RBFOX1: variants seen among roughly 807,000 people sequenced by gnomAD.
RBFOX1 encodes RNA binding protein fox-1 homolog 1.
A neutral mutation model predicts 57.7 loss-of-function variants in RBFOX1; 8 were observed. The observed-to-expected ratio is 0.14, with a 90% CI of 0.08 to 0.25. The LOEUF is 0.25. Ranked by LOEUF, RBFOX1 falls within the 10% of genes least tolerant of loss-of-function variation. The pLI is 1.00. For missense variants in RBFOX1, 611 were observed against 548.5 expected, an observed-to-expected ratio of 1.11 and a Z score of -1.14; for synonymous variants, 326 against 222.4, an observed-to-expected ratio of 1.47 and a Z score of -4.15.
At chr16:6,022,956 G>T (rs2095112396) in intron 1 of RBFOX1, among the ~76,000 whole-genome samples, 1 of 152,112 alleles carries the variant, frequency 6.6e-6, no homozygotes, top group Admixed American at 6.5e-5. Context: ...AGATGTCAAG[G>T]AGTTATTTAC....
chr16:7,446,789 G>A (rs1043243587), intron 4 of RBFOX1, among the ~76,000 whole-genome samples: 1 of 141,876 alleles, frequency 7.0e-6, no homozygotes, highest in African/African-American at 2.6e-5. Flanking sequence ...AGCCAAGGTA[G>A]GTCTAGGTAT....
At chr16:6,841,152 T>A (rs1008583281) in intron 3 of RBFOX1, among the ~76,000 whole-genome samples, 8 of 152,158 alleles carry the variant, frequency 5.3e-5, no homozygotes, top group Non-Finnish European at 1.5e-5. Context: ...GATATTAGCC[T>A]ATGGCATTTT....
chr16:6,592,150 C>A (rs1057265804), intron 2 of RBFOX1, among the ~76,000 whole-genome samples: 1 of 152,204 alleles, frequency 6.6e-6, no homozygotes, highest in African/African-American at 2.4e-5. Context: ...ATCTCTCCAA[C>A]TTCTTTTCTT....
chr16:5,821,226 C>G (rs1173155347), intron 3 of RBFOX1, among the ~76,000 whole-genome samples: 1 of 151,802 alleles, frequency 6.6e-6, no homozygotes, highest in Non-Finnish European at 1.5e-5. Context: ...CCTAAGACTA[C>G]TACTAGGCTG....
At chr16:6,338,135 A>C (rs965250708) in intron 2 of RBFOX1, among the ~76,000 whole-genome samples, 14 of 152,294 alleles carry the variant, frequency 9.2e-5, no homozygotes, top group African/African-American at 3.4e-4. Flanking sequence ...ACTGTTTTTT[A>C]GTGGTGAGAA....
intron 2 of RBFOX1, among the ~76,000 whole-genome samples, chr16:6,457,908 G>A (rs1274041927): frequency 6.6e-6 from 1 of 152,110 alleles, no homozygotes; most frequent in African/African-American, 2.4e-5. Flanking sequence ...GGGGCAAAGT[G>A]AGAAGAAGCC....
At chr16:5,724,020 G>A (rs2052036645) in intron 3 of RBFOX1, among the ~76,000 whole-genome samples, 1 of 114,690 alleles carries the variant, frequency 8.7e-6, no homozygotes, top group Non-Finnish European at 1.6e-5. Context: ...CCCTATGTTA[G>A]CAAACCATTT....
chr16:6,911,585 G>C (rs1288908953), intron 3 of RBFOX1, among the ~76,000 whole-genome samples: 1 of 152,052 alleles, frequency 6.6e-6, no homozygotes, highest in Admixed American at 6.6e-5. Context: ...ACTTAATTTT[G>C]TTACCTCTGT....
chr16:7,143,060 G>A lies in RBFOX1; in HGVS notation c.27+90962G>A, dbSNP rs572696154. On this transcript the variant is annotated intron_variant, in intron 4 of 15. Coordinates refer to ENST00000550418, the MANE Select transcript of RBFOX1 (RefSeq NM_018723.4). The stretch of plus-strand genomic sequence containing the variant: ...ATTAATACTATTGTTTATGTGTGCA[G>A]TGTCCTTCATATTTTTTCCTTTCAT... Among the ~76,000 whole-genome samples the A allele has an allele frequency of 3.9e-5, 6 of 152,180 alleles. No homozygotes were observed. In the East Asian group the frequency reaches 5.8e-4, roughly 15 times the overall value.
chr16:7,706,387 G>T (rs183729834), intron 14 of RBFOX1, among the ~76,000 whole-genome samples: 11 of 152,288 alleles, frequency 7.2e-5, no homozygotes, highest in African/African-American at 1.9e-4. Flanking sequence ...CCTTGGAAGA[G>T]AATACTGCCA....
chr16:7,447,618 A>G (rs1372696319), intron 4 of RBFOX1, among the ~76,000 whole-genome samples: 1 of 152,148 alleles, frequency 6.6e-6, no homozygotes, highest in Non-Finnish European at 1.5e-5. Context: ...CTGATTTTAT[A>G]AAGTGGTCAA....
chr16:7,036,251 C>T (rs538435608), intron 3 of RBFOX1, among the ~76,000 whole-genome samples: 54 of 148,228 alleles, frequency 3.6e-4, no homozygotes, highest in South Asian at 6.4e-4. Context: ...TGATTTATTT[C>T]TTTTGACATT....
chr16:5,291,882 A>G (rs1367800015), intron 1 of RBFOX1, among the ~76,000 whole-genome samples: 1 of 152,090 alleles, frequency 6.6e-6, no homozygotes, highest in Non-Finnish European at 1.5e-5. Flanking sequence ...AATGAGAAGA[A>G]AAGCATACTC....
At position 7,569,311 on chromosome 16, in the gene RBFOX1, G is replaced by A. The variant is rs143334848; in HGVS notation, c.271-10466G>A. ...TTACAAGGATTGTAGCTGGCAGGAT[G>A]ATATTTCTATAGGCTCATAATTTGA... is the stretch of plus-strand genomic sequence containing the variant. On this transcript the variant is annotated intron_variant, in intron 5 of 15. Transcript: ENST00000550418. Among the ~76,000 whole-genome samples, 76 of 152,316 alleles carry A rather than the reference G, an allele frequency of 5.0e-4. No homozygotes were observed. In the East Asian group the frequency reaches 0.013, roughly 26 times the overall value.
chr16:7,506,116 C>T lies in RBFOX1; in HGVS notation c.28-12031C>T, dbSNP rs140428080. Among the ~76,000 whole-genome samples, 59 of 125,486 alleles carry T rather than the reference C, an allele frequency of 4.7e-4. 2 individuals are homozygous for T. The highest frequency in any genetic ancestry group is 1.9e-3 in the East Asian group (7 of 3,680). The allele number at this position is 125,486 out of a possible 152,430, so 82.3% of individuals were successfully genotyped here. A position where few individuals can be genotyped will look rare whatever the true frequency, so the allele number is the denominator to read the frequency against. On this transcript the variant is annotated intron_variant, in intron 4 of 15. Coordinates refer to ENST00000550418, the MANE Select transcript of RBFOX1 (RefSeq NM_018723.4). Reference sequence around the variant, plus strand: ...AGGAGAACTGCTTGAACCCAGGAGGCGGAGTTTGCAGTGAGCAGAGATCGC... The same window carrying T: ...AGGAGAACTGCTTGAACCCAGGAGGTGGAGTTTGCAGTGAGCAGAGATCGC...
At chr16:7,710,498 T>TG in intron 15 of RBFOX1, 125 bp from the exon 16 acceptor site, 1 of 1,552,364 alleles carries the variant, frequency 6.4e-7, no homozygotes, top group Non-Finnish European at 8.6e-7. Context: ...TGACCTGGGA[T>TG]GGGTAGGGGG....
At chr16:6,885,357 C>T (rs1278940165) in intron 3 of RBFOX1, among the ~76,000 whole-genome samples, 1 of 152,082 alleles carries the variant, frequency 6.6e-6, no homozygotes, top group African/African-American at 2.4e-5. Flanking sequence ...TTTAAACAAG[C>T]CTTCGGGGGG....
At chr16:7,198,006 T>TTTTC (rs2087220862) in intron 4 of RBFOX1, among the ~76,000 whole-genome samples, 2 of 49,946 alleles carry the variant, frequency 4.0e-5, no homozygotes, top group Non-Finnish European at 1.1e-4. Context: ...TTCTTTTTTT[T>TTTTC]TTTTTTTTTT....
intron 3 of RBFOX1, among the ~76,000 whole-genome samples, chr16:6,939,654 G>A (rs1246172749): frequency 3.3e-5 from 5 of 151,860 alleles, no homozygotes; most frequent in Non-Finnish European, 7.4e-5. Flanking sequence ...TGCGATTACA[G>A]CCGTGTGCTA....
Sources: gnomAD v4.1 joint callset for allele counts (sites outside exome capture counted in the v4.1 genomes callset) on GRCh38, gnomAD v4.1.1 for gene constraint, MANE v1.5 for transcripts, NCBI Gene and HGNC (gene_info 2026-07-23, HGNC 2026-07-21) for gene names.